RPTOR: variants seen among roughly 807,000 people sequenced by gnomAD.
RPTOR encodes regulatory associated protein of MTOR complex 1, also known as regulatory-associated protein of mTOR.
A neutral mutation model predicts 169.9 loss-of-function variants in RPTOR; 21 were observed. The ratio of observed to expected loss-of-function variants is 0.12; its 90% CI spans 0.09 to 0.18. The LOEUF (loss-of-function observed/expected upper bound fraction) is 0.18. Among genes scored for constraint, RPTOR ranks in the 10% least tolerant of loss-of-function variants. The pLI, the probability that RPTOR is intolerant of heterozygous loss-of-function variation, is 1.00. For synonymous variants in RPTOR, 732 were observed against 753.2 expected, an observed-to-expected ratio of 0.97 and a Z score of 0.46; for missense variants, 1,133 against 1,855.9, an observed-to-expected ratio of 0.61 and a Z score of 7.16.
chr17:80,862,347 G>C (rs1301969066), intron 13 of RPTOR, among the ~76,000 whole-genome samples: 1 of 151,970 alleles, frequency 6.6e-6, no homozygotes, highest in Non-Finnish European at 1.5e-5. Flanking sequence ...TCCTTCCATC[G>C]TTACCCTGGC....
intron 11 of RPTOR, among the ~76,000 whole-genome samples, chr17:80,851,767 C>A (rs541184643): frequency 6.6e-6 from 1 of 152,332 alleles, no homozygotes; most frequent in African/African-American, 2.4e-5. Flanking sequence ...TCTAAGGAGA[C>A]CTTTATTGCT....
At chr17:80,552,815 TCAAAA>T (rs752297968) in intron 1 of RPTOR, among the ~76,000 whole-genome samples, 2 of 152,116 alleles carry the variant, frequency 1.3e-5, no homozygotes, top group Non-Finnish European at 2.9e-5. Context: ...AAAGTTTAGT[TCAAAA>T]CAAAACAAAA....
intron 25 of RPTOR, among the ~76,000 whole-genome samples, chr17:80,944,366 T>G (rs911166892): frequency 7.9e-5 from 12 of 152,254 alleles, no homozygotes; most frequent in African/African-American, 2.7e-4. Context: ...ACTTTAGCAC[T>G]TTCTTCATAT....
At chr17:80,564,871 G>T (rs1197959236) in intron 1 of RPTOR, among the ~76,000 whole-genome samples, 1 of 152,172 alleles carries the variant, frequency 6.6e-6, no homozygotes, top group African/African-American at 2.4e-5. Flanking sequence ...TCCCGTGTTA[G>T]TTTGCTAAGG....
At chr17:80,625,565 A>T in intron 1 of RPTOR, 126 bp from the exon 2 acceptor site, 1 of 695,262 alleles carries the variant, frequency 1.4e-6, no homozygotes, top group East Asian at 2.7e-5. Flanking sequence ...CAGGCGGAGG[A>T]CTGGCTGGAG....
intron 1 of RPTOR, among the ~76,000 whole-genome samples, chr17:80,613,913 C>T (rs184876261): frequency 6.6e-6 from 1 of 152,366 alleles, no homozygotes; most frequent in East Asian, 1.9e-4. Flanking sequence ...ATCGCAGCAT[C>T]ATCTCTGCAC....
chr17:80,723,701 G>A (rs1037739527), intron 4 of RPTOR, among the ~76,000 whole-genome samples: 1 of 151,268 alleles, frequency 6.6e-6, no homozygotes, highest in Non-Finnish European at 1.5e-5. Context: ...GGCCCTCTCC[G>A]TGGACTTAGC....
chr17:80,884,003 C>T (rs745711625), intron 16 of RPTOR, 31 bp downstream of exon 16: 2 of 1,591,146 alleles, frequency 1.3e-6, no homozygotes, highest in East Asian at 2.2e-5. Flanking sequence ...GAGTCCAGTC[C>T]TCCTGGCTGC....
In RPTOR at chr17:80,788,554, C is replaced by A. The variant is rs533029406; in HGVS notation, c.831-2896C>A. ...AAAACACCGCTCCACTGTCTTCCTG[C>A]ATCCTGTGTTAATCTGGTTCTTGTT... On this transcript the variant is annotated intron_variant, in intron 6 of 33. Transcript: ENST00000306801. 2.1e-3 allele frequency among the ~76,000 whole-genome samples: 314 copies of A among 152,324 alleles called. 1 individual carries two copies. The highest frequency in any genetic ancestry group is 3.6e-3 in the Non-Finnish European group (243 of 68,032).
intron 19 of RPTOR, among the ~76,000 whole-genome samples, chr17:80,893,179 C>T (rs1232141449): frequency 2.0e-5 from 3 of 152,240 alleles, no homozygotes; most frequent in Non-Finnish European, 4.4e-5. Context: ...CTGTGGTCTG[C>T]GGGTGGGGAG....
At chr17:80,557,622 A>G (rs2084426961) in intron 1 of RPTOR, among the ~76,000 whole-genome samples, 1 of 152,214 alleles carries the variant, frequency 6.6e-6, no homozygotes, top group Non-Finnish European at 1.5e-5. Flanking sequence ...ACCTTTTTCT[A>G]AGTCTAAATA....
chr17:80,807,599 A>G (rs12939574), intron 7 of RPTOR, among the ~76,000 whole-genome samples: 2 of 151,800 alleles, frequency 1.3e-5, no homozygotes, highest in Non-Finnish European at 2.9e-5. Context: ...TGATCCGCCC[A>G]CCTTGGCTTC....
At chr17:80,686,975 C>G (rs1303943208) in intron 3 of RPTOR, among the ~76,000 whole-genome samples, 2 of 125,712 alleles carry the variant, frequency 1.6e-5, no homozygotes, top group East Asian at 5.6e-4. Flanking sequence ...ATGGCAAACT[C>G]TTGTTCTTTC....
intron 6 of RPTOR, among the ~76,000 whole-genome samples, chr17:80,772,897 T>A (rs2143421032): frequency 6.6e-6 from 1 of 152,276 alleles, no homozygotes; most frequent in East Asian, 1.9e-4. Flanking sequence ...TGAACTCGCC[T>A]GGGGCTGTAC....
At chr17:80,938,364 C>T (rs946833214) in intron 24 of RPTOR, among the ~76,000 whole-genome samples, 1 of 152,256 alleles carries the variant, frequency 6.6e-6, no homozygotes, top group Non-Finnish European at 1.5e-5. Flanking sequence ...TCCCTTCCCA[C>T]TCGAAAGTTC....
intron 1 of RPTOR, among the ~76,000 whole-genome samples, chr17:80,610,309 T>C (rs1271895254): frequency 6.6e-6 from 1 of 152,142 alleles, no homozygotes; most frequent in East Asian, 1.9e-4. Flanking sequence ...TATACAACAT[T>C]ATGATGATAT....
chr17:80,599,365 T>C (rs372558688), intron 1 of RPTOR, among the ~76,000 whole-genome samples: 7 of 152,134 alleles, frequency 4.6e-5, no homozygotes, highest in Admixed American at 1.3e-4. Context: ...TTCTTGACCA[T>C]GGGACCTGTG....
At chr17:80,889,251 G>T (rs1332647913) in intron 17 of RPTOR, among the ~76,000 whole-genome samples, 1 of 152,240 alleles carries the variant, frequency 6.6e-6, no homozygotes, top group African/African-American at 2.4e-5. Context: ...GTTGCCCCTC[G>T]TTGAAGGGGC....
intron 21 of RPTOR, among the ~76,000 whole-genome samples, chr17:80,917,896 T>C (rs2068693277): frequency 2.0e-5 from 3 of 152,148 alleles, no homozygotes; most frequent in Admixed American, 6.5e-5. Flanking sequence ...GGTGGCCTGC[T>C]GTGTGGAAGT....
Sources: allele counts gnomAD v4.1 joint callset (sites outside exome capture counted in the v4.1 genomes callset), GRCh38; gene constraint gnomAD v4.1.1; transcripts MANE v1.5; gene names NCBI Gene and HGNC (gene_info 2026-07-23, HGNC 2026-07-21).